The following HORMAD1 variants were observed in gnomAD, a reference collection of about 807,000 sequenced individuals.
HORMAD1 encodes the protein HORMA domain containing 1.
In HORMAD1, 33 loss-of-function variants were observed where a neutral mutation model predicts 58.2. The ratio of observed to expected loss-of-function variants is 0.57; its 90% CI spans 0.43 to 0.76. The LOEUF (loss-of-function observed/expected upper bound fraction) is 0.76. Ranked by LOEUF, HORMAD1 falls within the 30% of genes least tolerant of loss-of-function variation. The pLI is 0.00. For synonymous variants in HORMAD1, 137 were observed against 144.6 expected (o/e 0.95, Z 0.38); for missense variants, 363 against 462.0 (o/e 0.79, Z 1.96).
At chr1:150,710,090 G>C (rs587674676) in intron 7 of HORMAD1, among the ~76,000 whole-genome samples, 1 of 151,706 alleles carries the variant, frequency 6.6e-6, no homozygotes, top group Non-Finnish European at 1.5e-5. Flanking sequence ...TATGCTGAGC[G>C]CCGGTCCCCT....
intron 14 of HORMAD1, 104 bp from the exon 15 acceptor site, chr1:150,698,838 T>A: frequency 4.5e-6 from 3 of 668,710 alleles, no homozygotes; most frequent in Non-Finnish European, 5.1e-6. Flanking sequence ...TTTAAAAAAA[T>A]TTATGCCTAG....
chr1:150,701,796 C>A (rs1420671919), intron 13 of HORMAD1: 1 of 152,048 alleles, frequency 6.6e-6, no homozygotes, highest in African/African-American at 2.4e-5. Flanking sequence ...TCATTTTATA[C>A]AAGATATATA....
intron 1 of HORMAD1, 37 bp from the exon 2 acceptor site, chr1:150,719,575 T>A (rs1652181622): frequency 1.9e-6 from 2 of 1,040,682 alleles, no homozygotes; most frequent in Admixed American, 2.5e-5. Flanking sequence ...TTAGAGCTCA[T>A]TTTTTTCCTC....
Position 150,703,297 on chromosome 1 carries a change from A to C in HORMAD1, c.1032+13T>G. 4 of 1,362,166 alleles carry C rather than the reference A, an allele frequency of 2.9e-6. No individual in the cohort carries two copies. Among genetic ancestry groups the C allele is most frequent in the Non-Finnish European group, 4.1e-6 (4 of 967,474 alleles). The allele number at this position is 1,362,166 out of a possible 1,614,324, so 84.4% of individuals were successfully genotyped here. A position where few individuals can be genotyped will look rare whatever the true frequency, so the allele number is the denominator to read the frequency against. On this transcript the variant is annotated intron_variant, in intron 13 of 14. Transcript: ENST00000361824. ...AAGGTTACAATGGAAAACAAACCTAAAGAGATATTTACCATTTTATTCTGA... is the reference window on the plus strand; with the variant it reads ...AAGGTTACAATGGAAAACAAACCTACAGAGATATTTACCATTTTATTCTGA...
In HORMAD1 at chr1:150,702,284, G is replaced by A. The variant is rs990037664; in HGVS notation, c.1032+1026C>T. ...AAGTTAAGAAACAACAGATGCTGAC[G>A]AGGCTATGGAGAAATAGGAACACTT... On this transcript the variant is annotated intron_variant, in intron 13 of 14. Transcript: ENST00000361824. 4.6e-5 allele frequency among the ~76,000 whole-genome samples: 7 copies of A among 152,122 alleles called. 1 individual carries two copies. In the East Asian group the frequency reaches 1.2e-3, roughly 25 times the overall value.
At chr1:150,720,776 C>CA (rs1276901422) in intron 1 of HORMAD1, 28 bp downstream of exon 1, 1 of 152,334 alleles carries the variant, frequency 6.6e-6, no homozygotes, top group East Asian at 1.9e-4. Context: ...CACACACACA[C>CA]AGATATATAC....
chr1:150,714,520 C>G (rs1290588914), intron 4 of HORMAD1, 95 bp downstream of exon 4: 7 of 540,578 alleles, frequency 1.3e-5, no homozygotes, highest in Non-Finnish European at 2.2e-5. Context: ...GGGTGATTCA[C>G]TAAAATTTGG....
intron 13 of HORMAD1, 104 bp downstream of exon 13, chr1:150,703,206 G>A (rs1651586275): frequency 1.5e-6 from 1 of 674,016 alleles, no homozygotes; most frequent in African/African-American, 1.8e-5. Flanking sequence ...CACATAATAG[G>A]TACTTAGTAA....
chr1:150,717,151 T>A lies in HORMAD1; in HGVS notation c.165A>T (p.Thr55=). Residue 55 remains threonine (T), a synonymous_variant, in exon 3 of 15, where the codon ACA becomes ACT. Coordinates refer to ENST00000361824, the MANE Select transcript of HORMAD1 (RefSeq NM_032132.5). ...RGIFPECAYG[T]RYLDDLCVKI... ...ATATTGTATTACCATCTAGATATCT[T>A]GTTCCATAAGCGCATTCTGGGAATA... 6.4e-7 allele frequency: 1 copy of A among 1,564,278 alleles called. No homozygotes were observed. Among genetic ancestry groups the A allele is most frequent in the Non-Finnish European group, 8.7e-7 (1 of 1,151,508 alleles).
chr1:150,717,327 A>ATTT (rs752607751), intron 2 of HORMAD1, 45 bp from the exon 3 acceptor site: 1 of 1,288,474 alleles, frequency 7.8e-7, no homozygotes, highest in South Asian at 1.6e-5. Flanking sequence ...AATTTATTAA[A>ATTT]AATAAAGTTT....
chr1:150,698,669 T>G lies in HORMAD1; in HGVS notation c.1170A>C (p.Pro390=). The change falls in exon 15 of 15, where the codon CCA becomes CCC. Residue 390 remains proline, a synonymous_variant. Coordinates refer to ENST00000361824, the MANE Select transcript of HORMAD1 (RefSeq NM_032132.5). ...SVPKRRKFSE[P]KEHI ...AAAATAATTTTTATATATGTTCCTT[T>G]GGTTCACTAAACTTTCTCCTTTTTG... 6.3e-7 allele frequency: 1 copy of G among 1,578,698 alleles called. No individual in the cohort carries two copies. The highest frequency in any genetic ancestry group is 2.2e-5 in the East Asian group (1 of 44,540).
rs143826688 is a variant in HORMAD1 at position 150,701,109 on chromosome 1, G to T, written c.1033-926C>A. 8.9e-3 allele frequency among the ~76,000 whole-genome samples: 1,355 copies of T among 152,140 alleles called. 23 individuals carry two copies. Among genetic ancestry groups the T allele is most frequent in the African/African-American group, 0.03 (1,244 of 41,498 alleles). On this transcript the variant is annotated intron_variant, in intron 13 of 14. Coordinates refer to ENST00000361824, the MANE Select transcript of HORMAD1 (RefSeq NM_032132.5). ...TCAGTAATAATTCTCAAAATCAGGA[G>T]TACACTTGCTCAGAGTTCATATCCA...
intron 13 of HORMAD1, among the ~76,000 whole-genome samples, chr1:150,700,971 T>C (rs1651520251): frequency 6.6e-6 from 1 of 152,180 alleles, no homozygotes; most frequent in Non-Finnish European, 1.5e-5. Flanking sequence ...ATACAACTAT[T>C]CTCTAAAAGG....
chr1:150,703,197 A>G, intron 13 of HORMAD1, 113 bp downstream of exon 13: 1 of 648,686 alleles, frequency 1.5e-6, no homozygotes, highest in East Asian at 2.9e-5. Context: ...AGTACCTGAC[A>G]CATAATAGGT....
Position 150,700,093 on chromosome 1 carries a change from A to G in HORMAD1, c.1104+19T>C, listed in dbSNP as rs1433877930. 1.7e-6 allele frequency: 2 copies of G among 1,191,472 alleles called. No individual in the cohort carries two copies. The highest frequency in any genetic ancestry group is 2.3e-5 in the East Asian group (1 of 42,916). 73.8% of individuals were successfully genotyped at this position (1,191,472 alleles called of 1,614,324 possible). Reference sequence around the variant, plus strand: ...ATCCTTCCCATTGTATTCAAACTATACATTATCATAAGACTTACTATTCTC... The same window carrying G: ...ATCCTTCCCATTGTATTCAAACTATGCATTATCATAAGACTTACTATTCTC... On this transcript the variant is annotated intron_variant, in intron 14 of 14. Transcript: ENST00000361824.
At chr1:150,706,362 T>C (rs1324087725) in intron 10 of HORMAD1, among the ~76,000 whole-genome samples, 191 bp downstream of exon 10, 1 of 152,232 alleles carries the variant, frequency 6.6e-6, no homozygotes, top group Non-Finnish European at 1.5e-5. Context: ...TTTTAAGTTC[T>C]AGTACAATGT....
chr1:150,716,772 G>C (rs587756586), intron 3 of HORMAD1, among the ~76,000 whole-genome samples: 1 of 149,408 alleles, frequency 6.7e-6, no homozygotes, highest in African/African-American at 2.4e-5. Context: ...GACCATCCTG[G>C]CTAACACGGT....
rs1651897900 is a variant in HORMAD1, at chr1:150,711,397, GA to G, written c.327+147del. 4.7e-6 allele frequency: 3 copies of G among 632,872 alleles called. No individual in the cohort carries two copies. The South Asian group carries it at 6.7e-5, about 14-fold the overall frequency. 39.2% of individuals were successfully genotyped at this position (632,872 alleles called of 1,614,324 possible). A position where few individuals can be genotyped will look rare whatever the true frequency, so the allele number is the denominator to read the frequency against. ...ATCCAAGCCCTGCCTTACCTCAGAA[GA>G]GTTTTATGAAGCTCAAATGTGAAAA... On this transcript the variant is annotated intron_variant, in intron 7 of 14. Coordinates refer to ENST00000361824, the MANE Select transcript of HORMAD1 (RefSeq NM_032132.5).
rs200394759 is a variant in HORMAD1 at position 150,714,111 on chromosome 1, A to G, written c.253T>C (p.Cys85Arg). 1 of 1,526,646 alleles carries G rather than the reference A, an allele frequency of 6.6e-7. No homozygotes were observed. The highest frequency in any genetic ancestry group is 1.4e-5 in the African/African-American group (1 of 72,512). The allele number at this position is 1,526,646 out of a possible 1,614,324, so 94.6% of individuals were successfully genotyped here. ...STQLVKWMLG[C>R]YDALQKKYLR... is the part of the protein sequence containing the mutation. Reference sequence around the variant, plus strand: ...TATTTTTTCTGTAAAGCATCATAACATCCTAGCATCCTAAAAAAAAAATCA... The same window carrying G: ...TATTTTTTCTGTAAAGCATCATAACGTCCTAGCATCCTAAAAAAAAAATCA... The change falls in exon 5 of 15, where the codon TGT becomes CGT. Residue 85 changes from cysteine (C) to arginine (R), a missense_variant. Around this residue, in one of 3 missense-constraint regions of HORMAD1, gnomAD observed 128 missense variants for 171.8 expected, o/e 0.74. Transcript: ENST00000361824.
Sources: gnomAD v4.1 joint callset for allele counts (sites outside exome capture counted in the v4.1 genomes callset) on GRCh38, gnomAD v4.1.1 for gene constraint, gnomAD v4.1.1 regional missense constraint, MANE v1.5 for transcripts, NCBI Gene and HGNC (gene_info 2026-07-23, HGNC 2026-07-21) for gene names.